The following KCNH5 variants were observed in gnomAD, a reference collection of about 807,000 sequenced individuals.
KCNH5 encodes potassium voltage-gated channel subfamily H member 5.
Under a neutral mutation model 96.1 loss-of-function variants are expected in KCNH5, and 46 were observed. The observed-to-expected ratio is 0.48, with a 90% CI of 0.38 to 0.61. KCNH5 has a LOEUF of 0.61. Among genes scored for constraint, KCNH5 ranks in the 20% least tolerant of loss-of-function variants. KCNH5 has a pLI of 0.00. For missense variants in KCNH5, 907 were observed against 1,225.8 expected (o/e 0.74, Z 3.88); for synonymous variants, 439 against 449.8 (o/e 0.98, Z 0.30).
At chr14:62,762,396 G>A (rs1179040269) in intron 10 of KCNH5, among the ~76,000 whole-genome samples, 1 of 152,158 alleles carries the variant, frequency 6.6e-6, no homozygotes, top group Non-Finnish European at 1.5e-5. Context: ...TGCTGCCAGA[G>A]CTCCTTCACC....
chr14:62,722,603 T>C, intron 10 of KCNH5, among the ~76,000 whole-genome samples: 1 of 152,200 alleles, frequency 6.6e-6, no homozygotes, highest in East Asian at 1.9e-4. Context: ...CATGAATCAC[T>C]AAAGTTATGA....
At chr14:62,894,315 G>C (rs182923985) in intron 7 of KCNH5, among the ~76,000 whole-genome samples, 81 of 152,254 alleles carry the variant, frequency 5.3e-4, no homozygotes, top group African/African-American at 1.8e-3. Flanking sequence ...CTGAATCTAA[G>C]TATTAAAGAG....
At chr14:62,991,108 T>C (rs938775465) in intron 4 of KCNH5, among the ~76,000 whole-genome samples, 2 of 152,020 alleles carry the variant, frequency 1.3e-5, no homozygotes, top group Non-Finnish European at 1.5e-5. Flanking sequence ...GACTAACACA[T>C]AGTGGGCACT....
chr14:62,786,602 T>C (rs1230818044), intron 9 of KCNH5, among the ~76,000 whole-genome samples: 1 of 152,186 alleles, frequency 6.6e-6, no homozygotes, highest in Non-Finnish European at 1.5e-5. Flanking sequence ...CCTCATTTTA[T>C]TGTGCTTTAC....
At chr14:62,754,441 C>T (rs1047349628) in intron 10 of KCNH5, among the ~76,000 whole-genome samples, 8 of 151,274 alleles carry the variant, frequency 5.3e-5, no homozygotes, top group African/African-American at 1.9e-4. Flanking sequence ...AGTCAGAAGA[C>T]GTAGAGTGGC....
chr14:63,029,335 A>G (rs1891583584), intron 1 of KCNH5, among the ~76,000 whole-genome samples: 1 of 152,160 alleles, frequency 6.6e-6, no homozygotes. Context: ...AGTTCCAATT[A>G]GGCTACTGGT....
intron 7 of KCNH5, among the ~76,000 whole-genome samples, chr14:62,861,754 C>A (rs1182652900): frequency 6.6e-6 from 1 of 151,574 alleles, no homozygotes; most frequent in African/African-American, 2.4e-5. Flanking sequence ...TCTTTGATTG[C>A]ATCTTTAAAA....
chr14:62,818,069 C>A (rs1887029677), intron 8 of KCNH5, among the ~76,000 whole-genome samples: 1 of 123,080 alleles, frequency 8.1e-6, no homozygotes, highest in Non-Finnish European at 1.6e-5. Flanking sequence ...AACTCAAACC[C>A]ATAGAAACAG....
chr14:62,958,685 A>T (rs1890151128), intron 6 of KCNH5, among the ~76,000 whole-genome samples: 1 of 152,164 alleles, frequency 6.6e-6, no homozygotes, highest in Non-Finnish European at 1.5e-5. Flanking sequence ...ATTGCTTAGC[A>T]TCACTGTCTC....
In KCNH5 at chr14:62,783,695, A is replaced by AT. The variant is rs547330281; in HGVS notation, c.1823-3772dup. Among the ~76,000 whole-genome samples the AT allele has an allele frequency of 2.6e-3, 394 of 152,252 alleles. 2 individuals carry two copies. The highest frequency in any genetic ancestry group is 8.8e-3 in the African/African-American group (367 of 41,564). Reference sequence around the variant, plus strand: ...ATAGTGTTATTAATGATAACCCTAGATTTTTTTAAAACCCTATATGTCCAA... The same window carrying AT: ...ATAGTGTTATTAATGATAACCCTAGATTTTTTTTAAAACCCTATATGTCCAA... On this transcript the variant is annotated intron_variant, in intron 9 of 10. Coordinates refer to ENST00000322893, the MANE Select transcript of KCNH5 (RefSeq NM_139318.5).
intron 7 of KCNH5, among the ~76,000 whole-genome samples, chr14:62,944,904 T>C (rs1889857326): frequency 6.6e-6 from 1 of 152,064 alleles, no homozygotes. Context: ...CAAAAATTGG[T>C]ATACAAACAG....
In KCNH5 at chr14:62,893,370, C is replaced by T. The variant is rs578231990; in HGVS notation, c.1370-43518G>A. On this transcript the variant is annotated intron_variant, in intron 7 of 10. Transcript: ENST00000322893. ...CTAACTAACAAGGAGTTGCTTCTTA[C>T]GGATAAGTGAAGAAAGTGGTTCCTT... 9.5e-4 allele frequency among the ~76,000 whole-genome samples: 145 copies of T among 152,264 alleles called. No individual in the cohort carries two copies. In the Middle Eastern group the frequency reaches 0.01, roughly 11 times the overall value.
chr14:62,728,700 C>A (rs1884988195), intron 10 of KCNH5, among the ~76,000 whole-genome samples: 1 of 152,138 alleles, frequency 6.6e-6, no homozygotes, highest in Non-Finnish European at 1.5e-5. Flanking sequence ...TTTTGTGCCT[C>A]ATTTTCTTCA....
rs61444088 is a variant in KCNH5 at position 62,853,456 on chromosome 14, CATATAT to C, written c.1370-3610_1370-3605del. The stretch of plus-strand genomic sequence containing the variant: ...TCATTTCCCAAACAAAAAGAATAAT[CATATAT>C]ATATATATATATATATATCATATAT... On this transcript the variant is annotated intron_variant, in intron 7 of 10. Coordinates refer to ENST00000322893, the MANE Select transcript of KCNH5 (RefSeq NM_139318.5). Among the ~76,000 whole-genome samples the C allele has an allele frequency of 2.0e-3, 187 of 93,292 alleles. 7 individuals are homozygous for C. Among genetic ancestry groups the C allele is most frequent in the Non-Finnish European group, 3.0e-3 (152 of 51,124 alleles). 61.2% of individuals were successfully genotyped at this position (93,292 alleles called of 152,430 possible).
intron 7 of KCNH5, among the ~76,000 whole-genome samples, chr14:62,886,292 G>T (rs1595670544): frequency 6.6e-6 from 1 of 152,162 alleles, no homozygotes. Flanking sequence ...AAGCAATTCG[G>T]CCAAAAACTG....
At chr14:62,900,793 C>T (rs1437557122) in intron 7 of KCNH5, among the ~76,000 whole-genome samples, 2 of 151,710 alleles carry the variant, frequency 1.3e-5, no homozygotes, top group Admixed American at 6.6e-5. Flanking sequence ...GAAAAAAAAT[C>T]CCATAAGATA....
chr14:62,805,942 C>T (rs1215624478), intron 8 of KCNH5, among the ~76,000 whole-genome samples: 1 of 152,130 alleles, frequency 6.6e-6, no homozygotes, highest in African/African-American at 2.4e-5. Flanking sequence ...AGGCTGAAAG[C>T]TACTGGGCTG....
chr14:62,864,893 G>A (rs1034476034), intron 7 of KCNH5, among the ~76,000 whole-genome samples: 10 of 152,166 alleles, frequency 6.6e-5, no homozygotes, highest in African/African-American at 2.4e-4. Flanking sequence ...GCAGTAGGCA[G>A]GAAGGAGCAG....
intron 8 of KCNH5, among the ~76,000 whole-genome samples, chr14:62,813,563 A>C (rs1886913833): frequency 6.6e-6 from 1 of 152,238 alleles, no homozygotes; most frequent in African/African-American, 2.4e-5. Context: ...ATAATAATGA[A>C]TAAGTTAAAT....
Sources: allele counts gnomAD v4.1 joint callset (sites outside exome capture counted in the v4.1 genomes callset), GRCh38; gene constraint gnomAD v4.1.1; transcripts MANE v1.5; gene names NCBI Gene and HGNC (gene_info 2026-07-23, HGNC 2026-07-21).